Variants in ACIN1 observed in about 807,000 individuals in gnomAD.
ACIN1 encodes apoptotic chromatin condensation inducer 1.
In ACIN1, 16 loss-of-function variants were observed where a neutral mutation model predicts 146.6. The ratio of observed to expected loss-of-function variants is 0.11; its 90% confidence interval spans 0.07 to 0.17. ACIN1 has a LOEUF of 0.17. Ranked by LOEUF, ACIN1 falls within the 10% of genes least tolerant of loss-of-function variation. The pLI, the probability that ACIN1 is intolerant of heterozygous loss-of-function variation, is 1.00. For missense variants in ACIN1, 1,357 were observed against 1,609.3 expected (o/e 0.84, Z 2.68); for synonymous variants, 569 against 582.7 (o/e 0.98, Z 0.34).
chr14:23,062,912 G>C lies in ACIN1; in HGVS notation c.2883+17C>G, dbSNP rs751614405. ...TAACCACTAAGCAAGCTGGGATGGT[G>C]AGAAACAATGACTTACCAAATTGGA... On this transcript the variant is annotated intron_variant, in intron 14 of 18. Transcript: ENST00000605057. The C allele has an allele frequency of 1.9e-6, 3 of 1,595,040 alleles. No homozygotes were observed. The highest frequency in any genetic ancestry group is 2.6e-6 in the Non-Finnish European group (3 of 1,171,102).
At chr14:23,076,490 A>G (rs2047805087) in intron 8 of ACIN1, 1 of 152,100 alleles carries the variant, frequency 6.6e-6, no homozygotes, top group South Asian at 2.1e-4. Context: ...GGGACAGGAA[A>G]CTCTATGACT....
At position 23,080,156 on chromosome 14, in the gene ACIN1, C is replaced by G. The variant is rs1263407852; in HGVS notation, c.1179G>C (p.Gln393His). The G allele has an allele frequency of 6.2e-7, 1 of 1,614,024 alleles. No individual in the cohort carries two copies. Among genetic ancestry groups the G allele is most frequent in the African/African-American group, 1.3e-5 (1 of 74,904 alleles). ...CAGCATCTGTATTAGGAGGAGATAA[C>G]TGAATGAGGACAGCGGGGGCTGGGC... ...MEGPAPAVLI[Q>H]LSPPNTDADT... is the part of the protein sequence containing the mutation. Residue 393 changes from glutamine (Q) to histidine (H), a missense_variant, in exon 6 of 19, where the codon CAG becomes CAC. By Grantham distance (24) the Gln-to-His change is conservative. Transcript: ENST00000605057.
Position 23,069,495 on chromosome 14 carries a change from TCAA to T in ACIN1, c.2243_2245del (p.Val748del). On this transcript the variant is annotated inframe_deletion, in exon 9 of 19. Transcript: ENST00000605057. ...GTTTACCTCTTTCTTCTCCTCATCT[TCAA>T]CACTGCCCTCCGGGCGGTCATCATT... The T allele has an allele frequency of 6.2e-7, 1 of 1,614,024 alleles. No individual in the cohort carries two copies. Among genetic ancestry groups the T allele is most frequent in the Non-Finnish European group, 8.5e-7 (1 of 1,179,932 alleles).
chr14:23,059,194 C>A lies in ACIN1; in HGVS notation c.3806G>T (p.Ser1269Ile). ...CCGCACAGGTGTGCTCCGACTCCGG[C>A]TTCTGCTGTGGCGCTTGGTGTCCCT... ...DRRDTKRHSR[S>I]RSRSTPVRDR... Residue 1269 changes from serine (S) to isoleucine (I), a missense_variant, in exon 19 of 19, where the codon AGC becomes ATC. By Grantham distance (142) the Ser-to-Ile change is moderately radical. Transcript: ENST00000605057. The A allele has an allele frequency of 6.2e-7, 1 of 1,614,062 alleles. No individual in the cohort carries two copies. Among genetic ancestry groups the A allele is most frequent in the Non-Finnish European group, 8.5e-7 (1 of 1,179,992 alleles).
chr14:23,088,151 A>G (rs1373086039), intron 4 of ACIN1, among the ~76,000 whole-genome samples: 1 of 152,206 alleles, frequency 6.6e-6, no homozygotes, highest in African/African-American at 2.4e-5. Context: ...TAGGAATTCA[A>G]TAAATTTTTT....
chr14:23,093,650 A>T, intron 1 of ACIN1, 106 bp from the exon 2 acceptor site: 1 of 894,018 alleles, frequency 1.1e-6, no homozygotes, highest in African/African-American at 1.7e-5. Flanking sequence ...TTAAATACAC[A>T]CAATTAAACT....
intron 5 of ACIN1, among the ~76,000 whole-genome samples, chr14:23,081,253 G>A (rs1324669087): frequency 8.1e-6 from 1 of 123,086 alleles, no homozygotes; most frequent in Non-Finnish European, 1.7e-5. Context: ...TTTGTATTCT[G>A]CCCACTTAGT....
chr14:23,083,508 G>T (rs528320252), intron 4 of ACIN1, among the ~76,000 whole-genome samples: 1 of 152,060 alleles, frequency 6.6e-6, no homozygotes, highest in Admixed American at 6.5e-5. Flanking sequence ...CGAGGCAGGC[G>T]GATCACGACG....
chr14:23,062,381 T>C (rs1302232339), intron 15 of ACIN1, 35 bp downstream of exon 15: 2 of 1,610,296 alleles, frequency 1.2e-6, no homozygotes, highest in Non-Finnish European at 1.7e-6. Context: ...AGGAAATATA[T>C]GCCATGACCT....
chr14:23,068,631 G>A lies in ACIN1; in HGVS notation c.2265+845C>T. 2.0e-6 allele frequency: 2 copies of A among 985,950 alleles called. No individual in the cohort carries two copies. The highest frequency in any genetic ancestry group is 2.4e-6 in the Non-Finnish European group (2 of 829,992). 61.1% of individuals were successfully genotyped at this position (985,950 alleles called of 1,614,324 possible). On this transcript the variant is annotated intron_variant, in intron 9 of 18. Coordinates refer to ENST00000605057, the MANE Select transcript of ACIN1 (RefSeq NM_001386863.1). The surrounding 1 kb of genome is among the most constrained non-coding windows in gnomAD (Gnocchi z 4.3). ...GCGGCATCAGCGATTGGCCAGTTGGGCAGGGTTATATTTTACGGGCGGATT... is the reference window on the plus strand; with the variant it reads ...GCGGCATCAGCGATTGGCCAGTTGGACAGGGTTATATTTTACGGGCGGATT...
At chr14:23,083,131 T>C (rs1055467696) in intron 4 of ACIN1, among the ~76,000 whole-genome samples, 10 of 151,990 alleles carry the variant, frequency 6.6e-5, no homozygotes, top group African/African-American at 2.4e-4. Flanking sequence ...AATAAATCCA[T>C]GTAAAACGGA....
intron 8 of ACIN1, 79 bp downstream of exon 8, chr14:23,078,072 G>A (rs2047844689): frequency 1.5e-6 from 2 of 1,332,026 alleles, no homozygotes; most frequent in Admixed American, 3.5e-5. Context: ...GGACTGCTTA[G>A]TCAAAGAACC....
At position 23,078,235 on chromosome 14, in the gene ACIN1, G is replaced by A. The variant is rs2140138701; in HGVS notation, c.2039C>T (p.Ala680Val). Residue 680 changes from alanine (A) to valine (V), a missense_variant, in exon 8 of 19, where the codon GCA (alanine) becomes GTA (valine). This residue lies in a region of ACIN1 where 771 missense variants were observed against 746.6 expected (regional missense o/e 1.03). Transcript: ENST00000605057. ...GSPKKCEAEE[A>V]EPPAATQPQT... The stretch of plus-strand genomic sequence containing the variant: ...GGGCTGTGTGGCAGCTGGTGGCTCT[G>A]CCTCTTCAGCTTCACACTTCTTTGG... 1 of 1,614,114 alleles carries A rather than the reference G, an allele frequency of 6.2e-7. No individual in the cohort carries two copies. The highest frequency in any genetic ancestry group is 8.5e-7 in the Non-Finnish European group (1 of 1,180,000).
At chr14:23,094,877 G>C (rs981854739) in intron 1 of ACIN1, 98 bp downstream of exon 1, 8 of 1,469,928 alleles carry the variant, frequency 5.4e-6, no homozygotes, top group Non-Finnish European at 5.4e-6. Context: ...GCCTGAGCGA[G>C]CTCGCGCCGA....
At chr14:23,094,481 T>C (rs2048315539) in intron 1 of ACIN1, 2 of 985,080 alleles carry the variant, frequency 2.0e-6, no homozygotes, top group African/African-American at 3.5e-5. Flanking sequence ...TAAAGGTCTC[T>C]CTTCATCTCA....
chr14:23,091,090 A>G (rs1452371727), intron 2 of ACIN1, among the ~76,000 whole-genome samples: 1 of 152,054 alleles, frequency 6.6e-6, no homozygotes, highest in African/African-American at 2.4e-5. Context: ...TTTTTAGTAG[A>G]GACGGGGTTT....
At chr14:23,075,256 T>C (rs1335877618) in intron 8 of ACIN1, among the ~76,000 whole-genome samples, 2 of 151,880 alleles carry the variant, frequency 1.3e-5, no homozygotes, top group Admixed American at 1.3e-4. Context: ...GAAATCCAGG[T>C]CTGAATTAAC....
chr14:23,078,766 G>A, intron 7 of ACIN1, 54 bp downstream of exon 7: 1 of 1,558,614 alleles, frequency 6.4e-7, no homozygotes, highest in Non-Finnish European at 8.7e-7. Context: ...AGACAAGAGG[G>A]AAGATCTTGC....
At chr14:23,075,283 A>G (rs2047768822) in intron 8 of ACIN1, among the ~76,000 whole-genome samples, 1 of 151,582 alleles carries the variant, frequency 6.6e-6, no homozygotes, top group Non-Finnish European at 1.5e-5. Context: ...TGAATGATAC[A>G]GCTGCCCACA....
Sources: gnomAD v4.1 joint callset for allele counts (sites outside exome capture counted in the v4.1 genomes callset) on GRCh38, gnomAD v4.1.1 for gene constraint, gnomAD v4.1.1 regional missense constraint, Gnocchi (gnomAD v3.1) non-coding constraint, MANE v1.5 for transcripts, NCBI Gene and HGNC (gene_info 2026-07-23, HGNC 2026-07-21) for gene names.